MECOM: variants seen among roughly 807,000 people sequenced by gnomAD.
MECOM encodes histone-lysine N-methyltransferase MECOM.
MECOM carries 13 observed loss-of-function variants against 116.3 expected under a neutral mutation model. The ratio of observed to expected loss-of-function variants is 0.11; its 90% CI spans 0.07 to 0.18. MECOM has a LOEUF of 0.18. MECOM is among the 10% of genes least tolerant of loss of function. MECOM has a pLI of 1.00. For missense variants in MECOM, 1,299 were observed against 1,509.0 expected (o/e 0.86, Z 2.31); for synonymous variants, 528 against 535.2 (o/e 0.99, Z 0.19).
intron 1 of MECOM, among the ~76,000 whole-genome samples, chr3:169,415,706 G>GA (rs1252667115): frequency 3.4e-5 from 5 of 148,432 alleles, no homozygotes; most frequent in South Asian, 2.1e-4. Context: ...CCAATGGAAA[G>GA]AAAAAAAAAG....
intron 1 of MECOM, among the ~76,000 whole-genome samples, chr3:169,572,018 C>T (rs545587645): frequency 6.6e-6 from 1 of 152,158 alleles, no homozygotes; most frequent in Non-Finnish European, 1.5e-5. Flanking sequence ...AGAGTTTCTG[C>T]ACAGCAAAAG....
At chr3:169,521,095 T>C (rs1465462417) in intron 1 of MECOM, among the ~76,000 whole-genome samples, 1 of 152,154 alleles carries the variant, frequency 6.6e-6, no homozygotes, top group African/African-American at 2.4e-5. Flanking sequence ...TCGGAGAAGA[T>C]AGGTGAGGCT....
At chr3:169,113,028 A>G (rs1224770340) in intron 8 of MECOM, among the ~76,000 whole-genome samples, 154 bp from the exon 9 acceptor site, 1 of 152,154 alleles carries the variant, frequency 6.6e-6, no homozygotes, top group Non-Finnish European at 1.5e-5. Context: ...CAGTTCTTGG[A>G]GATTCCTCAT....
chr3:169,563,214 T>C (rs1232465430), intron 1 of MECOM, among the ~76,000 whole-genome samples: 1 of 152,146 alleles, frequency 6.6e-6, no homozygotes, highest in Admixed American at 6.5e-5. Context: ...CCTATGGTAA[T>C]TGGCATGCAA....
chr3:169,099,986 G>A (rs751772977), intron 12 of MECOM, among the ~76,000 whole-genome samples: 16 of 150,416 alleles, frequency 1.1e-4, no homozygotes, highest in East Asian at 7.8e-4. Context: ...AAAATTGCCC[G>A]TTTTTCTATA....
At position 169,177,000 on chromosome 3, in the gene MECOM, G is replaced by A. The variant is rs145987160; in HGVS notation, c.376-33168C>T. Among the ~76,000 whole-genome samples, 280 of 152,190 alleles carry A rather than the reference G, an allele frequency of 1.8e-3. 1 individual carries two copies. The highest frequency in any genetic ancestry group is 2.7e-3 in the Admixed American group (41 of 15,280). On this transcript the variant is annotated intron_variant, in intron 2 of 16. Coordinates refer to ENST00000651503, the MANE Select transcript of MECOM (RefSeq NM_004991.4). Reference sequence around the variant, plus strand: ...GGTGAGGCTGTGGAGAAATAGAAACGCTTTTACACTGTTGGTGGAAATGTA... The same window carrying A: ...GGTGAGGCTGTGGAGAAATAGAAACACTTTTACACTGTTGGTGGAAATGTA...
intron 1 of MECOM, among the ~76,000 whole-genome samples, chr3:169,584,219 A>T (rs886232120): frequency 3.3e-5 from 5 of 152,146 alleles, no homozygotes; most frequent in Admixed American, 1.3e-4. Context: ...ATTAGAACAA[A>T]TTTTTTTAAA....
intron 5 of MECOM, among the ~76,000 whole-genome samples, chr3:169,125,241 A>T (rs1034818130): frequency 6.6e-6 from 1 of 152,040 alleles, no homozygotes; most frequent in Non-Finnish European, 1.5e-5. Context: ...ACAGAGTGGA[A>T]TGTTAATAAA....
At chr3:169,392,979 C>T (rs748004110) in intron 1 of MECOM, among the ~76,000 whole-genome samples, 1 of 152,128 alleles carries the variant, frequency 6.6e-6, no homozygotes, top group Non-Finnish European at 1.5e-5. Context: ...GGCACGCCCA[C>T]ATTTCCATTA....
At chr3:169,636,187 A>G (rs1772728269) in intron 1 of MECOM, among the ~76,000 whole-genome samples, 1 of 152,226 alleles carries the variant, frequency 6.6e-6, no homozygotes, top group African/African-American at 2.4e-5. Context: ...AGATCTTTAG[A>G]TATAGTTATT....
At chr3:169,418,807 C>G (rs1054320244) in intron 1 of MECOM, among the ~76,000 whole-genome samples, 1 of 151,974 alleles carries the variant, frequency 6.6e-6, no homozygotes, top group Non-Finnish European at 1.5e-5. Context: ...ATTGGCAAAA[C>G]CTGGAAGCAT....
chr3:169,128,632 G>T (rs1310730689), intron 4 of MECOM, among the ~76,000 whole-genome samples: 1 of 152,072 alleles, frequency 6.6e-6, no homozygotes, highest in Non-Finnish European at 1.5e-5. Flanking sequence ...GTTAATGTCA[G>T]CAAACTTGGA....
intron 1 of MECOM, among the ~76,000 whole-genome samples, chr3:169,391,608 G>A (rs1387429441): frequency 6.6e-6 from 1 of 152,006 alleles, no homozygotes; most frequent in Non-Finnish European, 1.5e-5. Context: ...TATATATTTT[G>A]ATTAAAAATG....
At chr3:169,277,837 A>G (rs1030001135) in intron 2 of MECOM, among the ~76,000 whole-genome samples, 4 of 152,144 alleles carry the variant, frequency 2.6e-5, no homozygotes, top group Non-Finnish European at 5.9e-5. Context: ...ACCGCAAAAC[A>G]TTCTTCTTGA....
At chr3:169,317,237 A>G (rs886514696) in intron 2 of MECOM, among the ~76,000 whole-genome samples, 1 of 152,236 alleles carries the variant, frequency 6.6e-6, no homozygotes, top group African/African-American at 2.4e-5. Context: ...CACTGAAATG[A>G]TAACACTCAA....
intron 2 of MECOM, among the ~76,000 whole-genome samples, chr3:169,328,757 C>A (rs1432671967): frequency 6.6e-6 from 1 of 152,094 alleles, no homozygotes; most frequent in African/African-American, 2.4e-5. Context: ...GGGCCTCGCT[C>A]CCAACTTCAG....
intron 2 of MECOM, among the ~76,000 whole-genome samples, chr3:169,212,356 G>A (rs753597296): frequency 1.3e-5 from 2 of 151,288 alleles, no homozygotes; most frequent in Admixed American, 6.6e-5. Flanking sequence ...AAACTCAGAC[G>A]CTTTATACCA....
chr3:169,208,259 TATA>T (rs1750218366), intron 2 of MECOM, among the ~76,000 whole-genome samples: 2 of 149,014 alleles, frequency 1.3e-5, no homozygotes, highest in African/African-American at 4.9e-5. Context: ...ATATACAATA[TATA>T]ATGTATATAT....
At chr3:169,662,528 C>A (rs367986940) in intron 1 of MECOM, among the ~76,000 whole-genome samples, 42 of 152,172 alleles carry the variant, frequency 2.8e-4, no homozygotes, top group African/African-American at 1.0e-3. Flanking sequence ...TTCCTCCCCA[C>A]CTGCGCGTGG....
Sources: gnomAD v4.1 joint callset for allele counts (sites outside exome capture counted in the v4.1 genomes callset) on GRCh38, gnomAD v4.1.1 for gene constraint, MANE v1.5 for transcripts, NCBI Gene and HGNC (gene_info 2026-07-23, HGNC 2026-07-21) for gene names.